BLTP3B: variants seen among roughly 807,000 people sequenced by gnomAD.
BLTP3B encodes UHRF1 (ICBP90) binding protein 1-like.
the BLTP3B span, among the ~76,000 whole-genome samples, chr12:100,110,270 G>C: frequency 6.6e-6 from 1 of 152,202 alleles, no homozygotes; most frequent in Non-Finnish European, 1.5e-5. Context: ...ATTTGAGCCA[G>C]ATTCTATCTG....
the BLTP3B span, chr12:100,102,724 T>A: frequency 3.5e-6 from 4 of 1,157,756 alleles, no homozygotes; most frequent in Admixed American, 2.4e-5. Context: ...TTTTTTAATG[T>A]CCTGTTATTG....
chr12:100,128,699 A>G, the BLTP3B span: 1 of 1,288,650 alleles, frequency 7.8e-7, no homozygotes, highest in Admixed American at 2.3e-5. Flanking sequence ...ACAGCACACC[A>G]ATCTCCACCA....
At chr12:100,122,055 A>T in the BLTP3B span, among the ~76,000 whole-genome samples, 215 of 152,216 alleles carry the variant, frequency 1.4e-3, no homozygotes, top group Admixed American at 2.2e-3. Context: ...GGATTACTTA[A>T]GCCCAGGAGT....
the BLTP3B span, among the ~76,000 whole-genome samples, chr12:100,079,794 A>C: frequency 6.6e-6 from 1 of 152,178 alleles, no homozygotes; most frequent in South Asian, 2.1e-4. Context: ...AGAAGGAAAA[A>C]GTGGTTTCAT....
At chr12:100,050,656 A>T in the BLTP3B span, among the ~76,000 whole-genome samples, 48 of 152,218 alleles carry the variant, frequency 3.2e-4, no homozygotes, top group African/African-American at 1.1e-3. Context: ...CTACAAAAAA[A>T]TTTAAAACAG....
chr12:100,063,843 C>G, the BLTP3B span, among the ~76,000 whole-genome samples: 1 of 152,034 alleles, frequency 6.6e-6, no homozygotes, highest in South Asian at 2.1e-4. Flanking sequence ...GAGAAAGAAC[C>G]AGAAAAACAA....
chr12:100,079,134 A>T, the BLTP3B span, among the ~76,000 whole-genome samples: 1 of 152,124 alleles, frequency 6.6e-6, no homozygotes, highest in Non-Finnish European at 1.5e-5. Context: ...CAGTGTGAAA[A>T]CCGACTAATA....
the BLTP3B span, chr12:100,039,730 G>C: frequency 1.2e-6 from 2 of 1,613,402 alleles, no homozygotes; most frequent in Admixed American, 3.3e-5. Context: ...CTGGTCAGCA[G>C]CACTGAATCG....
At chr12:100,116,322 C>T in the BLTP3B span, among the ~76,000 whole-genome samples, 1 of 151,330 alleles carries the variant, frequency 6.6e-6, no homozygotes, top group African/African-American at 2.4e-5. Context: ...AGCATAGTGG[C>T]AGGGGCCCGT....
the BLTP3B span, among the ~76,000 whole-genome samples, chr12:100,124,406 C>A: frequency 6.6e-6 from 1 of 150,636 alleles, no homozygotes; most frequent in Non-Finnish European, 1.5e-5. Flanking sequence ...GAGTTTGAGA[C>A]CAGCCTGGGC....
the BLTP3B span, among the ~76,000 whole-genome samples, chr12:100,085,130 C>A: frequency 3.3e-5 from 5 of 152,032 alleles, no homozygotes; most frequent in Non-Finnish European, 7.4e-5. Context: ...ATGTACTCAG[C>A]CATAGTTAGT....
the BLTP3B span, among the ~76,000 whole-genome samples, chr12:100,124,091 C>G: frequency 2.6e-5 from 4 of 151,986 alleles, no homozygotes; most frequent in Non-Finnish European, 5.9e-5. Context: ...ATAGCAAGAC[C>G]CCATCTCTAC....
chr12:100,140,729 A>AAAAAAAAAAATATAT, the BLTP3B span, among the ~76,000 whole-genome samples: 2 of 61,506 alleles, frequency 3.3e-5, no homozygotes, highest in Admixed American at 2.0e-4. Flanking sequence ...AAAAAAAAAA[A>AAAAAAAAAAATATAT]ATATATATAT....
the BLTP3B span, among the ~76,000 whole-genome samples, chr12:100,130,550 A>T: frequency 6.6e-6 from 1 of 152,110 alleles, no homozygotes; most frequent in Non-Finnish European, 1.5e-5. Flanking sequence ...AAAATAAGAT[A>T]AATCTTACAT....
chr12:100,069,903 A>T, the BLTP3B span: 2 of 1,010,898 alleles, frequency 2.0e-6, no homozygotes, highest in African/African-American at 1.7e-5. Flanking sequence ...TAAAATTTTT[A>T]AAAATTACTT....
the BLTP3B span, chr12:100,108,599 CAG>C: frequency 6.8e-7 from 1 of 1,473,852 alleles, no homozygotes; most frequent in South Asian, 1.3e-5. Flanking sequence ...TACTATACTC[CAG>C]AGTCATTTTT....
chr12:100,058,540 TTTG>T, the BLTP3B span: 13 of 1,612,770 alleles, frequency 8.1e-6, no homozygotes, highest in Admixed American at 1.7e-5. Flanking sequence ...TCCCTACTAA[TTTG>T]TTTTCTTTTT....
the BLTP3B span, among the ~76,000 whole-genome samples, chr12:100,120,652 C>T: frequency 9.2e-5 from 14 of 152,148 alleles, no homozygotes; most frequent in African/African-American, 3.4e-4. Context: ...GTTGAAACCA[C>T]TTTGGAAAGC....
chr12:100,078,666 C>T, the BLTP3B span, among the ~76,000 whole-genome samples: 2 of 152,134 alleles, frequency 1.3e-5, no homozygotes, highest in Non-Finnish European at 2.9e-5. Context: ...ATTTACACAT[C>T]TATATAGGGT....
Sources: gnomAD v4.1 joint callset for allele counts (sites outside exome capture counted in the v4.1 genomes callset) on GRCh38, gnomAD v4.1.1 for gene constraint, MANE v1.5 for transcripts, NCBI Gene and HGNC (gene_info 2026-07-23, HGNC 2026-07-21) for gene names.